Variants in COG6 observed in about 807,000 individuals in gnomAD.
The protein encoded by COG6 is component of oligomeric golgi complex 6.
In COG6, 74 loss-of-function variants were observed where a neutral mutation model predicts 88.8. The ratio of observed to expected loss-of-function variants is 0.83; its 90% CI spans 0.69 to 1.01. The LOEUF is 1.01. Among genes scored for constraint, COG6 ranks in the 50% least tolerant of loss-of-function variants. The pLI is 0.00. For synonymous variants in COG6, 286 were observed against 278.7 expected, an observed-to-expected ratio of 1.03 and a Z score of -0.26; for missense variants, 800 against 797.9, an observed-to-expected ratio of 1.00 and a Z score of -0.03.
intron 15 of COG6, among the ~76,000 whole-genome samples, chr13:39,720,838 T>G (rs543466593): frequency 6.6e-6 from 1 of 152,168 alleles, no homozygotes; most frequent in South Asian, 2.1e-4. Context: ...TGAAATGAAA[T>G]GAACAATGAA....
At chr13:39,725,157 G>A (rs1468643603) in intron 17 of COG6, among the ~76,000 whole-genome samples, 1 of 151,798 alleles carries the variant, frequency 6.6e-6, no homozygotes, top group Non-Finnish European at 1.5e-5. Context: ...TGATATTTAA[G>A]TCATATAGCT....
intron 13 of COG6, among the ~76,000 whole-genome samples, chr13:39,705,958 A>C (rs1232657840): frequency 6.6e-6 from 1 of 152,036 alleles, no homozygotes; most frequent in Admixed American, 6.6e-5. Context: ...CAGGAAAAAC[A>C]AACAGAAAAC....
chr13:39,679,725 G>A, intron 6 of COG6, 105 bp downstream of exon 6: 1 of 791,768 alleles, frequency 1.3e-6, no homozygotes, highest in Non-Finnish European at 2.2e-6. Flanking sequence ...TGAAATAGAA[G>A]TTTAATCTTT....
At chr13:39,747,650 G>A (rs1566037955) in intron 18 of COG6, among the ~76,000 whole-genome samples, 1 of 152,016 alleles carries the variant, frequency 6.6e-6, no homozygotes, top group Non-Finnish European at 1.5e-5. Context: ...TAACTGGCTT[G>A]ATTTTATTTA....
Position 39,687,545 on chromosome 13 carries a change from T to TG in COG6, c.832dup (p.Val278GlyfsTer6). 1.9e-6 allele frequency: 3 copies of TG among 1,613,402 alleles called. No individual in the cohort carries two copies. The highest frequency in any genetic ancestry group is 2.5e-6 in the Non-Finnish European group (3 of 1,179,578). On this transcript the variant is annotated frameshift_variant, in exon 9 of 19. Transcript: ENST00000455146. LOFTEE classifies it high-confidence loss of function. ...TTGGAACAGCCAGAAGAAGTACAGT[T>TG]GTTCGTGGATTTATTGATGCGCTCA... is the stretch of plus-strand genomic sequence containing the variant.
In COG6 at chr13:39,668,603, G is replaced by A. The variant is rs187261043; in HGVS notation, c.428+3449G>A. On this transcript the variant is annotated intron_variant, in intron 4 of 18. Coordinates refer to ENST00000455146, the MANE Select transcript of COG6 (RefSeq NM_020751.3). Reference sequence around the variant, plus strand: ...GGAGATCGAGACCATCCTGGCTAATGCGGTGAAACCCCATCTCTATTAAAA... The same window carrying A: ...GGAGATCGAGACCATCCTGGCTAATACGGTGAAACCCCATCTCTATTAAAA... Among the ~76,000 whole-genome samples the A allele has an allele frequency of 5.2e-3, 795 of 151,974 alleles. 27 individuals are homozygous for A. Among genetic ancestry groups the A allele is most frequent in the Admixed American group, 0.048 (727 of 15,262 alleles).
intron 13 of COG6, among the ~76,000 whole-genome samples, chr13:39,717,217 T>G (rs542436595): frequency 6.6e-6 from 1 of 152,284 alleles, no homozygotes; most frequent in East Asian, 1.9e-4. Context: ...TCCTTGTTCA[T>G]AGTGAGTTAT....
chr13:39,672,816 C>G (rs1234564047), intron 4 of COG6, among the ~76,000 whole-genome samples: 1 of 151,968 alleles, frequency 6.6e-6, no homozygotes, highest in African/African-American at 2.4e-5. Context: ...GAGGAACTGC[C>G]ACACTGTTTT....
rs933932922 is a variant in COG6, at chr13:39,766,776, A to G, written c.1827-21559A>G. Reference sequence around the variant, plus strand: ...AGGTTTGGAAGTCCAGGACTTGGACAGGTTGAGAGTTCTATTTGCCAGGCT... The same window carrying G: ...AGGTTTGGAAGTCCAGGACTTGGACGGGTTGAGAGTTCTATTTGCCAGGCT... On this transcript the variant is annotated intron_variant, in intron 18 of 18. Coordinates refer to the COG6 transcript ENST00000416691. 6.6e-5 allele frequency among the ~76,000 whole-genome samples: 10 copies of G among 152,336 alleles called. No homozygotes were observed. In the East Asian group the frequency reaches 1.9e-3, roughly 29 times the overall value.
chr13:39,712,654 G>C (rs1878306419), intron 13 of COG6, among the ~76,000 whole-genome samples: 1 of 152,162 alleles, frequency 6.6e-6, no homozygotes, highest in African/African-American at 2.4e-5. Flanking sequence ...TTGTACTTTG[G>C]ATTTAAAAAC....
chr13:39,705,616 ATAG>A (rs1479932138), intron 13 of COG6, among the ~76,000 whole-genome samples: 2 of 152,142 alleles, frequency 1.3e-5, no homozygotes, highest in Non-Finnish European at 2.9e-5. Context: ...TATCAAGTTA[ATAG>A]TAGTCAGGAT....
intron 18 of COG6, among the ~76,000 whole-genome samples, chr13:39,729,945 GT>G (rs1238933586): frequency 6.6e-6 from 1 of 152,110 alleles, no homozygotes; most frequent in East Asian, 1.9e-4. Context: ...TATTCGAGTC[GT>G]TTGCCTCAGA....
chr13:39,674,871 C>T (rs1875866951), intron 4 of COG6, among the ~76,000 whole-genome samples: 2 of 152,042 alleles, frequency 1.3e-5, no homozygotes, highest in African/African-American at 4.8e-5. Flanking sequence ...TTGGTACCGT[C>T]AGCAGTTTCA....
At position 39,699,990 on chromosome 13, in the gene COG6, C is replaced by G. The variant is rs535521507; in HGVS notation, c.1284+372C>G. Among the ~76,000 whole-genome samples the G allele has an allele frequency of 4.0e-5, 6 of 151,868 alleles. No individual in the cohort carries two copies. In the East Asian group the frequency reaches 1.2e-3, roughly 29 times the overall value. On this transcript the variant is annotated intron_variant, in intron 13 of 18. Transcript: ENST00000455146. Reference sequence around the variant, plus strand: ...TTTTTCCAAACAGCTTATATTTTTACCCCTGTTGTTACAGTTTTGTCCTTA... The same window carrying G: ...TTTTTCCAAACAGCTTATATTTTTAGCCCTGTTGTTACAGTTTTGTCCTTA...
At chr13:39,743,510 T>C (rs1880165158) in intron 18 of COG6, among the ~76,000 whole-genome samples, 1 of 152,062 alleles carries the variant, frequency 6.6e-6, no homozygotes, top group South Asian at 2.1e-4. Flanking sequence ...CTAGAAGAAA[T>C]GGATAAATTC....
At chr13:39,768,659 A>C (rs1474078767) in intron 18 of COG6, among the ~76,000 whole-genome samples, 3 of 152,164 alleles carry the variant, frequency 2.0e-5, no homozygotes, top group Non-Finnish European at 4.4e-5. Flanking sequence ...CTACCTTTGC[A>C]GTCAAGGCTC....
chr13:39,688,187 T>G (rs1373010976), intron 10 of COG6, among the ~76,000 whole-genome samples: 1 of 152,242 alleles, frequency 6.6e-6, no homozygotes, highest in Non-Finnish European at 1.5e-5. Flanking sequence ...TGACTTGTTT[T>G]AGGTCTTTAA....
At chr13:39,670,503 C>T (rs1424026964) in intron 4 of COG6, among the ~76,000 whole-genome samples, 1 of 151,876 alleles carries the variant, frequency 6.6e-6, no homozygotes, top group Non-Finnish European at 1.5e-5. Context: ...TGATTTTGTA[C>T]AGTTATTTCT....
chr13:39,666,374 C>T (rs1875269134), intron 4 of COG6, among the ~76,000 whole-genome samples: 1 of 152,114 alleles, frequency 6.6e-6, no homozygotes, highest in South Asian at 2.1e-4. Flanking sequence ...GCACTCCAGC[C>T]TGGGTGACAG....
Sources: allele counts gnomAD v4.1 joint callset (sites outside exome capture counted in the v4.1 genomes callset), GRCh38; gene constraint gnomAD v4.1.1; transcripts MANE v1.5; gene names NCBI Gene and HGNC (gene_info 2026-07-23, HGNC 2026-07-21).